PPFIA2: variants seen among roughly 807,000 people sequenced by gnomAD.
The protein encoded by PPFIA2 is liprin-alpha-2.
PPFIA2 carries 46 observed loss-of-function variants against 175.5 expected under a neutral mutation model. That is an observed-to-expected ratio of 0.26 (90% CI 0.21 to 0.34). The LOEUF (loss-of-function observed/expected upper bound fraction) is 0.34. Among genes scored for constraint, PPFIA2 ranks in the 10% least tolerant of loss-of-function variants. PPFIA2 has a pLI of 1.00. For synonymous variants in PPFIA2, 568 were observed against 511.4 expected, an observed-to-expected ratio of 1.11 and a Z score of -1.49; for missense variants, 1,179 against 1,506.1, an observed-to-expected ratio of 0.78 and a Z score of 3.60.
At chr12:81,306,533 G>A (rs1594433107) in intron 22 of PPFIA2, among the ~76,000 whole-genome samples, 1 of 127,414 alleles carries the variant, frequency 7.8e-6, no homozygotes, top group African/African-American at 2.9e-5. Flanking sequence ...TTGTTTGTTT[G>A]TTTCGTTGTT....
At chr12:81,369,266 A>G in intron 11 of PPFIA2, 72 bp from the exon 12 acceptor site, 3 of 1,558,404 alleles carry the variant, frequency 1.9e-6, no homozygotes, top group Non-Finnish European at 2.6e-6. Flanking sequence ...ATAAATTGAA[A>G]TAAAATGTAA....
At position 81,353,209 on chromosome 12, in the gene PPFIA2, A is replaced by G. The variant is rs1249400778; in HGVS notation, c.1904T>C (p.Met635Thr). ...ATGACCACTTGGAGAGAGAAGATCC[A>G]TTGAGCTAAAAATTGTTTCTCTGTC... ...DDDRETIFSS[M>T]DLLSPSGHSD... is the part of the protein sequence containing the mutation. The change falls in exon 17 of 33, where the codon ATG becomes ACG. Residue 635 changes from methionine (M) to threonine (T), a missense_variant. Around this residue, in one of 10 missense-constraint regions of PPFIA2, gnomAD observed 186 missense variants for 163.6 expected, o/e 1.14. Transcript: ENST00000549396. 8.1e-6 allele frequency: 13 copies of G among 1,613,856 alleles called. No homozygotes were observed. Among genetic ancestry groups the G allele is most frequent in the Non-Finnish European group, 1.1e-5 (13 of 1,179,814 alleles).
intron 3 of PPFIA2, among the ~76,000 whole-genome samples, chr12:81,677,369 G>A (rs1377430170): frequency 1.3e-5 from 2 of 151,670 alleles, no homozygotes; most frequent in Non-Finnish European, 2.9e-5. Flanking sequence ...TGCTCTTCTG[G>A]CTATCATGAA....
intron 3 of PPFIA2, among the ~76,000 whole-genome samples, chr12:81,753,328 C>G (rs1397710565): frequency 6.7e-6 from 1 of 150,064 alleles, no homozygotes; most frequent in Non-Finnish European, 1.5e-5. Context: ...TTTTTTTTTT[C>G]TGTAAAATAC....
chr12:81,529,649 A>T (rs899548737), intron 4 of PPFIA2, among the ~76,000 whole-genome samples: 23 of 152,000 alleles, frequency 1.5e-4, no homozygotes, highest in African/African-American at 5.5e-4. Context: ...TTTTTGTTCA[A>T]TGTCAGCTGA....
intron 4 of PPFIA2, among the ~76,000 whole-genome samples, chr12:81,640,778 C>T (rs2064858391): frequency 6.6e-6 from 1 of 151,934 alleles, no homozygotes; most frequent in Non-Finnish European, 1.5e-5. Flanking sequence ...ATTTTGAGCC[C>T]CTAGAACATT....
chr12:81,711,208 A>G (rs1388264653), intron 3 of PPFIA2, among the ~76,000 whole-genome samples: 1 of 151,534 alleles, frequency 6.6e-6, no homozygotes, highest in African/African-American at 2.4e-5. Context: ...GCCCTGGACA[A>G]CAGAGTGAGA....
At chr12:81,411,502 C>T (rs146526527) in intron 7 of PPFIA2, among the ~76,000 whole-genome samples, 49 of 152,156 alleles carry the variant, frequency 3.2e-4, no homozygotes, top group Non-Finnish European at 6.2e-4. Context: ...GATTTTGGCT[C>T]TGACAAGCTC....
chr12:81,628,827 C>G (rs1025985656), intron 4 of PPFIA2, among the ~76,000 whole-genome samples: 1 of 152,190 alleles, frequency 6.6e-6, no homozygotes, highest in Non-Finnish European at 1.5e-5. Context: ...TTGTTTGAAG[C>G]TGCTGTTTCC....
chr12:81,440,202 C>T (rs2049907757), intron 6 of PPFIA2, among the ~76,000 whole-genome samples, 156 bp from the exon 7 acceptor site: 1 of 152,088 alleles, frequency 6.6e-6, no homozygotes, highest in Non-Finnish European at 1.5e-5. Flanking sequence ...GGCAGAAATA[C>T]AATGAATGCA....
At chr12:81,661,056 A>G (rs1342513433) in intron 4 of PPFIA2, among the ~76,000 whole-genome samples, 4 of 152,250 alleles carry the variant, frequency 2.6e-5, no homozygotes, top group Non-Finnish European at 5.9e-5. Flanking sequence ...AGCACTAAAC[A>G]TGGAAAGGAA....
At chr12:81,408,057 T>C (rs971622417) in intron 7 of PPFIA2, among the ~76,000 whole-genome samples, 3 of 152,110 alleles carry the variant, frequency 2.0e-5, no homozygotes, top group Non-Finnish European at 2.9e-5. Flanking sequence ...TACATGGATA[T>C]GGGAAAACAA....
intron 24 of PPFIA2, among the ~76,000 whole-genome samples, chr12:81,294,426 G>A (rs1443716300): frequency 6.9e-6 from 1 of 145,284 alleles, no homozygotes; most frequent in Non-Finnish European, 1.5e-5. Flanking sequence ...GGGAAGGAAG[G>A]AAGGAAGGTA....
intron 13 of PPFIA2, among the ~76,000 whole-genome samples, chr12:81,367,544 A>G (rs2033854042): frequency 6.6e-6 from 1 of 151,718 alleles, no homozygotes. Flanking sequence ...AAAATTCAGA[A>G]GAACTCACTT....
intron 22 of PPFIA2, among the ~76,000 whole-genome samples, chr12:81,304,449 A>C (rs982477436): frequency 5.3e-5 from 8 of 152,234 alleles, no homozygotes; most frequent in South Asian, 4.1e-4. Context: ...ATACATAAAC[A>C]AAATAAGTTG....
chr12:81,686,302 C>A (rs1246552358), intron 3 of PPFIA2, among the ~76,000 whole-genome samples: 2 of 152,002 alleles, frequency 1.3e-5, no homozygotes, highest in African/African-American at 4.8e-5. Flanking sequence ...GTAAAATTCC[C>A]AAAATCTTGG....
At chr12:81,420,476 G>T (rs1027788156) in intron 7 of PPFIA2, among the ~76,000 whole-genome samples, 3 of 151,744 alleles carry the variant, frequency 2.0e-5, no homozygotes. Flanking sequence ...CAATAAAGAG[G>T]TAAAAATCAT....
chr12:81,663,507 A>T (rs529489473), intron 4 of PPFIA2, among the ~76,000 whole-genome samples: 1 of 152,182 alleles, frequency 6.6e-6, no homozygotes, highest in Non-Finnish European at 1.5e-5. Flanking sequence ...CTTCAAGGAG[A>T]ACTACAAACC....
chr12:81,639,509 A>G (rs1380162162), intron 4 of PPFIA2, among the ~76,000 whole-genome samples: 1 of 151,692 alleles, frequency 6.6e-6, no homozygotes, highest in African/African-American at 2.4e-5. Context: ...CTTTTTAACC[A>G]CAATTACAAT....
Sources: gnomAD v4.1 joint callset for allele counts (sites outside exome capture counted in the v4.1 genomes callset) on GRCh38, gnomAD v4.1.1 for gene constraint, gnomAD v4.1.1 regional missense constraint, MANE v1.5 for transcripts, NCBI Gene and HGNC (gene_info 2026-07-23, HGNC 2026-07-21) for gene names.